Variants in TMEM255B observed in about 807,000 individuals in gnomAD.
The protein encoded by TMEM255B is family with sequence similarity 70, member B.
TMEM255B carries 35 observed loss-of-function variants against 34.5 expected under a neutral mutation model. That is an observed-to-expected ratio of 1.01 (90% confidence interval 0.77 to 1.34). The LOEUF is 1.34. Ranked by LOEUF, TMEM255B falls within the 40% of genes most tolerant of loss-of-function variation. The probability of loss-of-function intolerance (pLI) is 0.00; values close to 1 mark genes in which losing one functional copy is unlikely to be tolerated. For missense variants in TMEM255B, 432 were observed against 433.2 expected (o/e 1.00, Z 0.02); for synonymous variants, 206 against 201.2 (o/e 1.02, Z -0.20).
chr13:113,800,301 C>CTGTGTGTG (rs1220505809), intron 5 of TMEM255B, among the ~76,000 whole-genome samples: 10,836 of 96,794 alleles, frequency 0.11, 613 homozygotes, highest in East Asian at 0.2. Context: ...GAGGCGTCCT[C>CTGTGTGTG]TGTGTGTGTG....
chr13:113,793,958 T>C (rs1166477573), intron 3 of TMEM255B, among the ~76,000 whole-genome samples: 1 of 152,214 alleles, frequency 6.6e-6, no homozygotes, highest in Non-Finnish European at 1.5e-5. Context: ...CTGTGGGGCC[T>C]GATGGGAATG....
Position 113,794,383 on chromosome 13 carries a change from C to T in TMEM255B, c.253-765C>T, listed in dbSNP as rs909157167. On this transcript the variant is annotated intron_variant, in intron 3 of 8. Coordinates refer to ENST00000375353, the MANE Select transcript of TMEM255B (RefSeq NM_182614.4). ...CCACAGGCCCTCCCTCTGCTGTTAC[C>T]GATGGGTTCTGCTTGTCACTGGGAC... is the stretch of plus-strand genomic sequence containing the variant. Among the ~76,000 whole-genome samples, 8 of 152,042 alleles carry T rather than the reference C, an allele frequency of 5.3e-5. No homozygotes were observed. In the East Asian group the frequency reaches 5.8e-4, roughly 11 times the overall value.
rs1001226912 is a variant in TMEM255B at position 113,778,775 on chromosome 13, C to G, written c.252+9615C>G. On this transcript the variant is annotated intron_variant, in intron 3 of 8. Coordinates refer to ENST00000375353, the MANE Select transcript of TMEM255B (RefSeq NM_182614.4). ...GGATTTCACTCAACTGCCTCACTAA[C>G]CTGACATTAGGTTTTTGTTGATCTT... Among the ~76,000 whole-genome samples, 6 of 152,226 alleles carry G rather than the reference C, an allele frequency of 3.9e-5. 1 individual carries two copies. The highest frequency in any genetic ancestry group is 1.4e-4 in the African/African-American group (6 of 41,464).
chr13:113,773,961 G>GT (rs1416430321), intron 3 of TMEM255B, among the ~76,000 whole-genome samples: 1 of 152,322 alleles, frequency 6.6e-6, no homozygotes, highest in East Asian at 1.9e-4. Flanking sequence ...GAGAACGAGT[G>GT]TATTTCCAGT....
chr13:113,800,793 C>T (rs757868406), intron 5 of TMEM255B, 34 bp from the exon 6 acceptor site: 19 of 1,573,058 alleles, frequency 1.2e-5, no homozygotes, highest in South Asian at 9.3e-5. Context: ...TGGTGGGCAC[C>T]GGCATGTGAC....
chr13:113,797,613 T>G (rs976464337), intron 4 of TMEM255B, among the ~76,000 whole-genome samples: 1 of 152,220 alleles, frequency 6.6e-6, no homozygotes, highest in Non-Finnish European at 1.5e-5. Context: ...AGACAGAGAC[T>G]TGTGTCTGCT....
chr13:113,784,271 A>T (rs1273639471), intron 3 of TMEM255B, among the ~76,000 whole-genome samples: 4 of 152,114 alleles, frequency 2.6e-5, no homozygotes, highest in African/African-American at 9.7e-5. Context: ...AGAGACCCAG[A>T]TTCCTGTTTA....
intron 3 of TMEM255B, among the ~76,000 whole-genome samples, chr13:113,773,577 C>T (rs2050511054): frequency 6.6e-6 from 1 of 152,224 alleles, no homozygotes; most frequent in South Asian, 2.1e-4. Context: ...AGACCAGAAC[C>T]TCTGAGGGGT....
At chr13:113,798,210 A>G (rs186939092) in intron 4 of TMEM255B, among the ~76,000 whole-genome samples, 144 of 148,134 alleles carry the variant, frequency 9.7e-4, no homozygotes, top group South Asian at 2.8e-3. Context: ...GATGTGGATG[A>G]ATGGAAGGAT....
chr13:113,779,395 T>G (rs1297344607), intron 3 of TMEM255B, among the ~76,000 whole-genome samples: 1 of 152,102 alleles, frequency 6.6e-6, no homozygotes, highest in African/African-American at 2.4e-5. Context: ...ACTGGACTTT[T>G]GGGGGCTTAG....
intron 5 of TMEM255B, among the ~76,000 whole-genome samples, chr13:113,800,323 G>T (rs1367364318): frequency 6.7e-6 from 1 of 150,106 alleles, no homozygotes; most frequent in Non-Finnish European, 1.5e-5. Flanking sequence ...GTGTGTGTGT[G>T]TGTGTGTGTG....
At chr13:113,801,863 G>C (rs1049275394) in intron 7 of TMEM255B, 51 bp downstream of exon 7, 1 of 1,508,188 alleles carries the variant, frequency 6.6e-7, no homozygotes. Flanking sequence ...CGGGGCTCCG[G>C]GTCCATTTCC....
At chr13:113,766,760 T>G (rs2050399233) in intron 2 of TMEM255B, among the ~76,000 whole-genome samples, 3 of 152,114 alleles carry the variant, frequency 2.0e-5, no homozygotes, top group South Asian at 4.1e-4. Flanking sequence ...GGGTCAAAGA[T>G]CGTATTAGTG....
rs923302245 is a variant in TMEM255B, at chr13:113,806,117, G to A, written c.813+1089G>A. On this transcript the variant is annotated intron_variant, in intron 8 of 8. Coordinates refer to ENST00000375353, the MANE Select transcript of TMEM255B (RefSeq NM_182614.4). The surrounding 1 kb of genome is among the most constrained non-coding windows in gnomAD (Gnocchi z 4.2). Reference sequence around the variant, plus strand: ...TTGTCAGGAAAAGATCTTCCTTAGAGGGACATCCGGGGGAGGCCTGTGCAC... The same window carrying A: ...TTGTCAGGAAAAGATCTTCCTTAGAAGGACATCCGGGGGAGGCCTGTGCAC... Among the ~76,000 whole-genome samples, 1 of 152,216 alleles carries A rather than the reference G, an allele frequency of 6.6e-6. No homozygotes were observed. Among genetic ancestry groups the A allele is most frequent in the Admixed American group, 6.5e-5 (1 of 15,284 alleles).
At chr13:113,807,778 G>A (rs1452390798) in intron 8 of TMEM255B, among the ~76,000 whole-genome samples, 5 of 138,688 alleles carry the variant, frequency 3.6e-5, no homozygotes, top group South Asian at 4.9e-4. Flanking sequence ...GCAGGCTTAC[G>A]GGATGTGGGG....
chr13:113,802,545 G>T (rs570837979), intron 7 of TMEM255B, among the ~76,000 whole-genome samples: 1 of 152,308 alleles, frequency 6.6e-6, no homozygotes, highest in East Asian at 1.9e-4. Context: ...ACATGAGGAG[G>T]CCTGGCAGCA....
intron 3 of TMEM255B, among the ~76,000 whole-genome samples, chr13:113,793,659 C>T (rs184523640): frequency 2.0e-4 from 31 of 152,370 alleles, no homozygotes; most frequent in Middle Eastern, 3.4e-3. Flanking sequence ...CAAGCGTGGG[C>T]TCACCAGGAA....
At chr13:113,790,186 ACATCCTAACACTGAACTGACCGGG>A (rs2050807244) in intron 3 of TMEM255B, among the ~76,000 whole-genome samples, 1 of 120,094 alleles carries the variant, frequency 8.3e-6, no homozygotes, top group South Asian at 3.4e-4. Context: ...AGACACGTGG[ACATCCTAACACTGAACTGACCGGG>A]CATGTGGACA....
At chr13:113,793,588 C>T (rs548997572) in intron 3 of TMEM255B, among the ~76,000 whole-genome samples, 2 of 152,252 alleles carry the variant, frequency 1.3e-5, no homozygotes, top group Admixed American at 6.5e-5. Flanking sequence ...CTCTCCGGCC[C>T]GCTGCCCCAG....
Sources: gnomAD v4.1 joint callset for allele counts (sites outside exome capture counted in the v4.1 genomes callset) on GRCh38, gnomAD v4.1.1 for gene constraint, Gnocchi (gnomAD v3.1) non-coding constraint, MANE v1.5 for transcripts, NCBI Gene and HGNC (gene_info 2026-07-23, HGNC 2026-07-21) for gene names.